The following PLD5 variants were observed in gnomAD, a reference collection of about 807,000 sequenced individuals.
The protein encoded by PLD5 is phospholipase D family member 5, also known as inactive phospholipase D5.
Under a neutral mutation model 61.1 loss-of-function variants are expected in PLD5, and 36 were observed. That is an observed-to-expected ratio of 0.59 (90% confidence interval 0.45 to 0.78). The LOEUF (loss-of-function observed/expected upper bound fraction) is 0.78. Among genes scored for constraint, PLD5 ranks in the 30% least tolerant of loss-of-function variants. PLD5 has a pLI of 0.00. For missense variants in PLD5, 515 were observed against 644.4 expected (o/e 0.80, Z 2.17); for synonymous variants, 243 against 242.8 (o/e 1.00, Z -0.01).
intron 3 of PLD5, among the ~76,000 whole-genome samples, chr1:242,279,539 C>T (rs933023395): frequency 2.0e-5 from 3 of 150,140 alleles, no homozygotes; most frequent in South Asian, 2.2e-4. Context: ...TTCTGTCTCT[C>T]ATTTTTTTTT....
intron 1 of PLD5, among the ~76,000 whole-genome samples, chr1:242,401,790 G>A (rs909633588): frequency 1.3e-5 from 2 of 152,178 alleles, no homozygotes; most frequent in Middle Eastern, 3.2e-3. Flanking sequence ...AGCTGTTATT[G>A]GTTTCAATGC....
At chr1:242,481,539 A>C (rs1382638448) in intron 1 of PLD5, among the ~76,000 whole-genome samples, 2 of 152,356 alleles carry the variant, frequency 1.3e-5, no homozygotes, top group East Asian at 3.9e-4. Flanking sequence ...CTGAGGCTTG[A>C]GTAGGTAAAC....
chr1:242,483,610 G>T (rs976171917), intron 1 of PLD5, among the ~76,000 whole-genome samples: 1 of 151,994 alleles, frequency 6.6e-6, no homozygotes, highest in African/African-American at 2.4e-5. Flanking sequence ...AGTAATAATG[G>T]GAGACTTTAA....
intron 5 of PLD5, among the ~76,000 whole-genome samples, chr1:242,148,292 A>C (rs899198012): frequency 1.2e-4 from 12 of 99,988 alleles, no homozygotes; most frequent in Admixed American, 9.8e-4. Context: ...TTTGTTAAAA[A>C]TCAATTGGCC....
chr1:242,388,210 G>A (rs1662712808), intron 1 of PLD5, among the ~76,000 whole-genome samples: 1 of 152,202 alleles, frequency 6.6e-6, no homozygotes, highest in South Asian at 2.1e-4. Flanking sequence ...GGGGATGTGA[G>A]GTTTAAGAGA....
chr1:242,095,083 C>A (rs954998060), intron 9 of PLD5, among the ~76,000 whole-genome samples: 3 of 151,802 alleles, frequency 2.0e-5, no homozygotes, highest in African/African-American at 7.3e-5. Flanking sequence ...ACTACAGGTG[C>A]CCGCCACCAC....
chr1:242,120,565 G>GTATTTTTCCATA, intron 6 of PLD5, among the ~76,000 whole-genome samples: 1 of 152,170 alleles, frequency 6.6e-6, no homozygotes, highest in Non-Finnish European at 1.5e-5. Context: ...ATGTGATGCA[G>GTATTTTTCCATA]GATTTTTCCA....
At chr1:242,276,093 CT>C (rs1674396432) in intron 3 of PLD5, among the ~76,000 whole-genome samples, 1 of 152,038 alleles carries the variant, frequency 6.6e-6, no homozygotes. Flanking sequence ...ATCACAACCA[CT>C]TGGTCAGGCC....
chr1:242,109,066 A>G (rs1227719558), intron 7 of PLD5, among the ~76,000 whole-genome samples: 1 of 152,220 alleles, frequency 6.6e-6, no homozygotes, highest in Non-Finnish European at 1.5e-5. Flanking sequence ...GCTGAGGACT[A>G]CAGGAAAGAT....
intron 5 of PLD5, among the ~76,000 whole-genome samples, chr1:242,185,331 TG>T (rs1293604235): frequency 2.6e-5 from 4 of 151,916 alleles, no homozygotes; most frequent in Non-Finnish European, 5.9e-5. Context: ...GGAGAAAGAG[TG>T]GGTATAAGCA....
intron 2 of PLD5, among the ~76,000 whole-genome samples, chr1:242,295,482 T>A (rs1675604035): frequency 6.6e-6 from 1 of 152,250 alleles, no homozygotes; most frequent in East Asian, 1.9e-4. Context: ...TCACTCTTTT[T>A]TATGGCTTTG....
In PLD5 at chr1:242,394,749, C is replaced by CATATATGTGTATATATGTGAAT. The variant is rs747073666; in HGVS notation, c.190-46529_190-46508dup. On this transcript the variant is annotated intron_variant, in intron 1 of 9. Coordinates refer to ENST00000536534, the MANE Select transcript of PLD5 (RefSeq NM_001372062.1). ...GAACATATATGTGTATATATGTGAA[C>CATATATGTGTATATATGTGAAT]ATATATGTGTATATATGTGAATATA... Among the ~76,000 whole-genome samples, 29 of 31,270 alleles carry CATATATGTGTATATATGTGAAT rather than the reference C, an allele frequency of 9.3e-4. 1 individual carries two copies. The highest frequency in any genetic ancestry group is 4.3e-3 in the East Asian group (6 of 1,400). The allele number at this position is 31,270 out of a possible 152,430, so 20.5% of individuals were successfully genotyped here. A position where few individuals can be genotyped will look rare whatever the true frequency, so the allele number is the denominator to read the frequency against.
At chr1:242,210,623 C>T (rs1173077669) in intron 5 of PLD5, 1 of 152,496 alleles carries the variant, frequency 6.6e-6, no homozygotes, top group African/African-American at 2.4e-5. Context: ...AGTCCTTTTC[C>T]TGGCTCATTC....
At chr1:242,445,040 T>C (rs1295673409) in intron 1 of PLD5, among the ~76,000 whole-genome samples, 5 of 152,134 alleles carry the variant, frequency 3.3e-5, no homozygotes, top group Non-Finnish European at 7.3e-5. Context: ...GGCACTGCTG[T>C]GGTGTGAATA....
At chr1:242,183,803 T>G (rs60134291) in intron 5 of PLD5, among the ~76,000 whole-genome samples, 66,940 of 151,520 alleles carry the variant, frequency 0.44, 16,095 homozygotes, top group African/African-American at 0.64. Context: ...TCTGAGGCAG[T>G]AGAATGGCGT....
intron 5 of PLD5, among the ~76,000 whole-genome samples, chr1:242,149,238 G>C (rs1296451150): frequency 6.6e-6 from 1 of 151,808 alleles, no homozygotes. Flanking sequence ...GTCTTTATTT[G>C]AACTCAATGT....
At chr1:242,267,236 C>G (rs959837063) in intron 3 of PLD5, among the ~76,000 whole-genome samples, 3 of 151,238 alleles carry the variant, frequency 2.0e-5, no homozygotes, top group African/African-American at 7.3e-5. Context: ...GATCAAGACC[C>G]TGAAGCTTTA....
chr1:242,125,162 T>G (rs961636342), intron 5 of PLD5, among the ~76,000 whole-genome samples: 5 of 152,238 alleles, frequency 3.3e-5, no homozygotes, highest in African/African-American at 7.2e-5. Flanking sequence ...GGCCTCAGCT[T>G]CTTCTTCCGT....
chr1:242,472,787 CTACTT>C (rs1667482406), intron 1 of PLD5, among the ~76,000 whole-genome samples: 2 of 152,138 alleles, frequency 1.3e-5, no homozygotes, highest in Non-Finnish European at 2.9e-5. Context: ...TTAACAGTCT[CTACTT>C]TATCAAATCC....
Sources: gnomAD v4.1 joint callset for allele counts (sites outside exome capture counted in the v4.1 genomes callset) on GRCh38, gnomAD v4.1.1 for gene constraint, MANE v1.5 for transcripts, NCBI Gene and HGNC (gene_info 2026-07-23, HGNC 2026-07-21) for gene names.